FOXP1: variants seen among roughly 807,000 people sequenced by gnomAD.
FOXP1 encodes forkhead box protein P1.
FOXP1 carries 15 observed loss-of-function variants against 98.2 expected under a neutral mutation model. That is an observed-to-expected ratio of 0.15 (90% confidence interval 0.10 to 0.24). FOXP1 has a LOEUF of 0.24. FOXP1 is among the 10% of genes least tolerant of loss of function. The pLI is 1.00. For synonymous variants in FOXP1, 371 were observed against 314.5 expected, an observed-to-expected ratio of 1.18 and a Z score of -1.90; for missense variants, 633 against 848.5, an observed-to-expected ratio of 0.75 and a Z score of 3.15.
At chr3:71,304,301 G>T (rs2074096267) in intron 4 of FOXP1, among the ~76,000 whole-genome samples, 1 of 152,140 alleles carries the variant, frequency 6.6e-6, no homozygotes, top group South Asian at 2.1e-4. Context: ...CCTGGCCGTG[G>T]TCATGTGAAA....
intron 2 of FOXP1, among the ~76,000 whole-genome samples, chr3:71,536,546 T>A (rs1161781678): frequency 9.3e-5 from 14 of 151,202 alleles, no homozygotes; most frequent in Admixed American, 9.2e-4. Context: ...CTTGCATTTA[T>A]CACTTAAACA....
At chr3:71,077,839 T>TC (rs1409244215) in intron 7 of FOXP1, among the ~76,000 whole-genome samples, 1 of 151,752 alleles carries the variant, frequency 6.6e-6, no homozygotes, top group Non-Finnish European at 1.5e-5. Context: ...TGCATATATT[T>TC]TTTTTTTTTT....
At chr3:71,203,177 G>T (rs2063780548) in intron 5 of FOXP1, among the ~76,000 whole-genome samples, 1 of 152,184 alleles carries the variant, frequency 6.6e-6, no homozygotes, top group Non-Finnish European at 1.5e-5. Flanking sequence ...CAGATGAACT[G>T]AGCCTGTTTA....
chr3:71,411,248 G>A (rs189294401), intron 3 of FOXP1, among the ~76,000 whole-genome samples: 7 of 151,378 alleles, frequency 4.6e-5, no homozygotes, highest in Admixed American at 2.0e-4. Context: ...GGACAAACTT[G>A]TTGTGGACTT....
chr3:71,514,391 C>A (rs1366451239), intron 2 of FOXP1, among the ~76,000 whole-genome samples: 5 of 152,200 alleles, frequency 3.3e-5, no homozygotes, highest in Non-Finnish European at 7.3e-5. Context: ...CCTGGTTTTT[C>A]TTCTCCTGCA....
At chr3:71,462,734 G>A (rs149114823) in intron 3 of FOXP1, among the ~76,000 whole-genome samples, 7 of 152,306 alleles carry the variant, frequency 4.6e-5, no homozygotes, top group East Asian at 3.9e-4. Flanking sequence ...CTAGTCATCC[G>A]ATGAAGGAAA....
chr3:71,486,888 T>G (rs948095747), intron 3 of FOXP1, among the ~76,000 whole-genome samples: 10 of 152,198 alleles, frequency 6.6e-5, no homozygotes, highest in African/African-American at 2.4e-4. Context: ...AATAGCTAAA[T>G]GCCTTCCTCC....
intron 2 of FOXP1, among the ~76,000 whole-genome samples, chr3:71,546,957 G>C (rs2045410467): frequency 6.6e-6 from 1 of 152,190 alleles, no homozygotes. Flanking sequence ...GAGAGACAGA[G>C]ACACAGAGAG....
At position 71,002,940 on chromosome 3, in the gene FOXP1, C is replaced by A. The variant is rs143586095; in HGVS notation, c.975-1881G>T. On this transcript the variant is annotated intron_variant, in intron 12 of 20. Coordinates refer to ENST00000649528, the MANE Select transcript of FOXP1 (RefSeq NM_001349338.3). ...TTCTAATAAGCTGTCACCAATGAAA[C>A]AAGACCACAGACCAGGACCCAGTGG... Among the ~76,000 whole-genome samples, 53 of 152,274 alleles carry A rather than the reference C, an allele frequency of 3.5e-4. 1 individual carries two copies. The East Asian group carries it at 0.01, about 29-fold the overall frequency.
At chr3:71,471,449 T>C (rs1343375485) in intron 3 of FOXP1, among the ~76,000 whole-genome samples, 1 of 152,092 alleles carries the variant, frequency 6.6e-6, no homozygotes, top group Non-Finnish European at 1.5e-5. Context: ...GTACCCAATA[T>C]AACACAAAAA....
At chr3:71,536,332 C>T (rs1006187337) in intron 2 of FOXP1, among the ~76,000 whole-genome samples, 7 of 152,126 alleles carry the variant, frequency 4.6e-5, no homozygotes, top group East Asian at 3.9e-4. Flanking sequence ...CAATGCAATT[C>T]GCTTACCCTA....
At chr3:71,491,014 T>TTTA (rs1188591666) in intron 3 of FOXP1, among the ~76,000 whole-genome samples, 1 of 152,090 alleles carries the variant, frequency 6.6e-6, no homozygotes, top group Non-Finnish European at 1.5e-5. Flanking sequence ...TATGACTTTT[T>TTTA]TTATTATTAT....
chr3:71,208,912 T>A (rs769378292), intron 5 of FOXP1, among the ~76,000 whole-genome samples: 2 of 152,168 alleles, frequency 1.3e-5, no homozygotes, highest in African/African-American at 2.4e-5. Context: ...AAAGGTTGTA[T>A]GTTACATAGA....
intron 3 of FOXP1, among the ~76,000 whole-genome samples, chr3:71,397,104 A>ATATATG (rs1553871697): frequency 3.7e-4 from 42 of 112,846 alleles, no homozygotes; most frequent in African/African-American, 1.2e-3. Flanking sequence ...ATATATACAT[A>ATATATG]TATATATATG....
At chr3:71,008,038 T>C (rs2043023733) in intron 12 of FOXP1, among the ~76,000 whole-genome samples, 1 of 152,204 alleles carries the variant, frequency 6.6e-6, no homozygotes, top group African/African-American at 2.4e-5. Flanking sequence ...AAAAATTCTT[T>C]TCAAATAGGA....
intron 11 of FOXP1, among the ~76,000 whole-genome samples, chr3:71,019,572 G>A (rs928580113): frequency 3.3e-5 from 5 of 152,158 alleles, no homozygotes; most frequent in Non-Finnish European, 7.4e-5. Context: ...GCTCACGCCT[G>A]TAATTCCAGC....
intron 6 of FOXP1, among the ~76,000 whole-genome samples, chr3:71,159,097 C>G (rs1373243465): frequency 8.5e-6 from 1 of 117,126 alleles, no homozygotes; most frequent in Non-Finnish European, 1.8e-5. Context: ...AGGGCGGAAC[C>G]CTATCTCAAA....
chr3:71,468,976 T>C (rs1047099467), intron 3 of FOXP1, among the ~76,000 whole-genome samples: 2 of 152,166 alleles, frequency 1.3e-5, no homozygotes, highest in Non-Finnish European at 2.9e-5. Flanking sequence ...CCAGGGATGT[T>C]TGAGGCCTGT....
chr3:71,324,544 C>T (rs1355364718), intron 4 of FOXP1, among the ~76,000 whole-genome samples: 4 of 151,938 alleles, frequency 2.6e-5, no homozygotes, highest in Non-Finnish European at 5.9e-5. Context: ...CATGTTCTCA[C>T]TCATAGGTGG....
Sources: allele counts gnomAD v4.1 joint callset (sites outside exome capture counted in the v4.1 genomes callset), GRCh38; gene constraint gnomAD v4.1.1; transcripts MANE v1.5; gene names NCBI Gene and HGNC (gene_info 2026-07-23, HGNC 2026-07-21).